Variants in GTF2E2 observed in about 807,000 individuals in gnomAD.
The protein encoded by GTF2E2 is general transcription factor IIE subunit 2.
A neutral mutation model predicts 40.5 loss-of-function variants in GTF2E2; 21 were observed. The observed-to-expected ratio is 0.52, with a 90% CI of 0.37 to 0.75. The LOEUF (loss-of-function observed/expected upper bound fraction) is 0.75. Ranked by LOEUF, GTF2E2 falls within the 30% of genes least tolerant of loss-of-function variation. The pLI, the probability that GTF2E2 is intolerant of heterozygous loss-of-function variation, is 0.00. For synonymous variants in GTF2E2, 117 were observed against 121.6 expected (o/e 0.96, Z 0.25); for missense variants, 298 against 338.4 (o/e 0.88, Z 0.94).
At chr8:30,582,910 T>TGA (rs1828554387) in intron 6 of GTF2E2, among the ~76,000 whole-genome samples, 1 of 152,266 alleles carries the variant, frequency 6.6e-6, no homozygotes, top group African/African-American at 2.4e-5. Flanking sequence ...ACTATATAAA[T>TGA]ACCGTTTCTC....
In GTF2E2 at chr8:30,606,767, G is replaced by C. The variant is rs190649651; in HGVS notation, c.643+290C>G. Among the ~76,000 whole-genome samples, 472 of 152,220 alleles carry C rather than the reference G, an allele frequency of 3.1e-3. 4 individuals are homozygous for C. Among genetic ancestry groups the C allele is most frequent in the Non-Finnish European group, 4.9e-3 (335 of 67,992 alleles). On this transcript the variant is annotated intron_variant, in intron 6 of 7. Transcript: ENST00000355904. The stretch of plus-strand genomic sequence containing the variant: ...AGGATATGAACTTACATTTGTAAAA[G>C]TCTAAAGATAAAGAAATAAACCCGT...
intron 6 of GTF2E2, among the ~76,000 whole-genome samples, chr8:30,600,129 T>C (rs1321504312): frequency 1.3e-5 from 2 of 152,104 alleles, no homozygotes; most frequent in Non-Finnish European, 2.9e-5. Context: ...TTGCCAGCAA[T>C]GAGGAAAAAG....
chr8:30,644,117 G>A (rs754159061), intron 2 of GTF2E2, among the ~76,000 whole-genome samples: 43 of 152,156 alleles, frequency 2.8e-4, no homozygotes, highest in Non-Finnish European at 2.9e-5. Context: ...TAGAGATCAA[G>A]ACAGTAAAAA....
intron 3 of GTF2E2, among the ~76,000 whole-genome samples, 166 bp downstream of exon 3, chr8:30,634,866 T>C (rs1223214375): frequency 6.6e-6 from 1 of 152,182 alleles, no homozygotes; most frequent in African/African-American, 2.4e-5. Context: ...ATTAATACAA[T>C]GTAAAAGGCT....
chr8:30,621,546 A>AT (rs1172372276), intron 3 of GTF2E2, among the ~76,000 whole-genome samples: 1 of 152,136 alleles, frequency 6.6e-6, no homozygotes, highest in African/African-American at 2.4e-5. Context: ...TAGAGACTTG[A>AT]TTTAGTTTTC....
At chr8:30,598,567 C>A (rs1288963680) in intron 6 of GTF2E2, among the ~76,000 whole-genome samples, 1 of 152,184 alleles carries the variant, frequency 6.6e-6, no homozygotes, top group Non-Finnish European at 1.5e-5. Context: ...TTAATCCCTG[C>A]CTTTCCTTAG....
chr8:30,629,569 G>C (rs1216741235), intron 3 of GTF2E2, among the ~76,000 whole-genome samples: 2 of 151,540 alleles, frequency 1.3e-5, no homozygotes, highest in African/African-American at 4.9e-5. Context: ...GGCGCCTGTA[G>C]TCCCAGCTCC....
At chr8:30,582,658 A>G (rs908828693) in intron 6 of GTF2E2, among the ~76,000 whole-genome samples, 1 of 152,216 alleles carries the variant, frequency 6.6e-6, no homozygotes, top group African/African-American at 2.4e-5. Context: ...GTTGTTTTAC[A>G]GAAACTTCCA....
At chr8:30,637,775 C>T (rs1376890431) in intron 2 of GTF2E2, among the ~76,000 whole-genome samples, 1 of 152,182 alleles carries the variant, frequency 6.6e-6, no homozygotes, top group East Asian at 1.9e-4. Context: ...CCCAACTCAG[C>T]CTCTCAAAGT....
intron 6 of GTF2E2, among the ~76,000 whole-genome samples, chr8:30,602,908 T>C (rs1275503542): frequency 6.6e-6 from 1 of 152,192 alleles, no homozygotes; most frequent in African/African-American, 2.4e-5. Context: ...TTCTGACCCT[T>C]GGCAAGGCTA....
At chr8:30,607,335 C>T (rs1309383747) in intron 5 of GTF2E2, among the ~76,000 whole-genome samples, 185 bp from the exon 6 acceptor site, 2 of 152,164 alleles carry the variant, frequency 1.3e-5, no homozygotes, top group Admixed American at 1.3e-4. Flanking sequence ...AGACTCCACC[C>T]AGACTGGAGT....
chr8:30,640,872 T>C (rs963419964), intron 2 of GTF2E2, among the ~76,000 whole-genome samples: 1 of 152,158 alleles, frequency 6.6e-6, no homozygotes, highest in Non-Finnish European at 1.5e-5. Flanking sequence ...AACTGGCTAA[T>C]TTTTGTGTTT....
intron 6 of GTF2E2, among the ~76,000 whole-genome samples, chr8:30,590,783 C>T (rs1828825032): frequency 6.6e-6 from 1 of 152,026 alleles, no homozygotes; most frequent in South Asian, 2.1e-4. Flanking sequence ...CTCACCCTCC[C>T]AGGTTCAAGT....
intron 3 of GTF2E2, among the ~76,000 whole-genome samples, chr8:30,624,298 G>A (rs1211044477): frequency 6.6e-6 from 1 of 151,998 alleles, no homozygotes; most frequent in Non-Finnish European, 1.5e-5. Context: ...TTTTTGTCAG[G>A]TTTGTCGAAG....
intron 2 of GTF2E2, 120 bp from the exon 3 acceptor site, chr8:30,635,243 C>T (rs1200975853): frequency 9.0e-6 from 5 of 555,282 alleles, no homozygotes; most frequent in Non-Finnish European, 1.6e-5. Flanking sequence ...ATATTCTACC[C>T]TGTAATATTC....
intron 3 of GTF2E2, 57 bp from the exon 4 acceptor site, chr8:30,614,772 A>G: frequency 1.1e-6 from 1 of 910,284 alleles, no homozygotes; most frequent in Non-Finnish European, 1.8e-6. Flanking sequence ...GATGCATTAA[A>G]TCATAGTTAC....
chr8:30,645,284 C>T (rs1802025109), intron 2 of GTF2E2: 1 of 1,520,338 alleles, frequency 6.6e-7, no homozygotes, highest in Non-Finnish European at 8.8e-7. Flanking sequence ...TTTATAGATT[C>T]AAAAGAGCAA....
chr8:30,631,833 C>A (rs2979497), intron 3 of GTF2E2, among the ~76,000 whole-genome samples: 1 of 152,174 alleles, frequency 6.6e-6, no homozygotes, highest in Non-Finnish European at 1.5e-5. Flanking sequence ...TAGTGGCTCA[C>A]GCCTGTAATC....
chr8:30,652,813 CCG>C (rs1802325229), intron 2 of GTF2E2, among the ~76,000 whole-genome samples: 1 of 152,100 alleles, frequency 6.6e-6, no homozygotes. Flanking sequence ...ATCCAAATAA[CCG>C]TTTATTGGTG....
Sources: allele counts gnomAD v4.1 joint callset (sites outside exome capture counted in the v4.1 genomes callset), GRCh38; gene constraint gnomAD v4.1.1; transcripts MANE v1.5; gene names NCBI Gene and HGNC (gene_info 2026-07-23, HGNC 2026-07-21).